The following OPRD1 variants were observed in gnomAD, a reference collection of about 807,000 sequenced individuals.
OPRD1 encodes delta-type opioid receptor.
A neutral mutation model predicts 17.5 loss-of-function variants in OPRD1; 19 were observed. That is an observed-to-expected ratio of 1.09 (90% CI 0.76 to 1.60). The LOEUF (loss-of-function observed/expected upper bound fraction) is 1.60, where lower values mean the gene tolerates loss of function less well. Among genes scored for constraint, OPRD1 ranks in the 40% most tolerant of loss-of-function variants. OPRD1 has a pLI of 0.00. For synonymous variants in OPRD1, 256 were observed against 240.9 expected (o/e 1.06, Z -0.58); for missense variants, 483 against 547.2 (o/e 0.88, Z 1.17).
intron 1 of OPRD1, among the ~76,000 whole-genome samples, chr1:28,832,783 C>A (rs1392409362): frequency 6.6e-6 from 1 of 152,136 alleles, no homozygotes; most frequent in African/African-American, 2.4e-5. Context: ...TATACTGAGA[C>A]CCACTTCCTG....
At chr1:28,827,502 A>G (rs1315189477) in intron 1 of OPRD1, among the ~76,000 whole-genome samples, 1 of 151,588 alleles carries the variant, frequency 6.6e-6, no homozygotes, top group East Asian at 1.9e-4. Context: ...GCTTCAAGAA[A>G]CCACTTTCTT....
chr1:28,842,393 A>G (rs2088903203), intron 1 of OPRD1, among the ~76,000 whole-genome samples: 2 of 152,178 alleles, frequency 1.3e-5, no homozygotes, highest in South Asian at 4.1e-4. Flanking sequence ...TGGGGAGAAC[A>G]TTCTTACCAG....
intron 1 of OPRD1, among the ~76,000 whole-genome samples, chr1:28,837,318 C>T (rs1051113833): frequency 7.2e-5 from 11 of 152,054 alleles, no homozygotes; most frequent in Non-Finnish European, 1.5e-4. Context: ...TTCACTCGCC[C>T]ACTGCTCACC....
At position 28,868,840 on chromosome 1, in the gene OPRD1, A is replaced by G. The variant is rs77414531; in HGVS notation, c.*5557A>G. On this transcript the variant is annotated 3_prime_UTR_variant, in exon 3 of 3. Coordinates refer to ENST00000234961, the MANE Select transcript of OPRD1 (RefSeq NM_000911.4). ...GGGCGACAGAGCGAGACTCTGTCTG[A>G]AAAAAAAAAAAAATTAAAAAGAAAT... is the stretch of plus-strand genomic sequence containing the variant. 3 of 110,614 alleles carry G rather than the reference A, an allele frequency of 2.7e-5. No homozygotes were observed. The highest frequency in any genetic ancestry group is 8.6e-5 in the African/African-American group (2 of 23,382). The allele number at this position is 110,614 out of a possible 1,614,324, so 6.9% of individuals were successfully genotyped here.
At chr1:28,843,212 C>G (rs2088909148) in intron 1 of OPRD1, among the ~76,000 whole-genome samples, 1 of 152,154 alleles carries the variant, frequency 6.6e-6, no homozygotes, top group Non-Finnish European at 1.5e-5. Context: ...CCCCTCACCC[C>G]ACTCCCAAGC....
Position 28,854,813 on chromosome 1 carries a change from C to T in OPRD1, c.228-4141C>T, listed in dbSNP as rs186080444. Among the ~76,000 whole-genome samples, 290 of 152,124 alleles carry T rather than the reference C, an allele frequency of 1.9e-3. 2 individuals carry two copies. The highest frequency in any genetic ancestry group is 6.0e-3 in the African/African-American group (249 of 41,502). ...GATTACAGGAGCATGCCACTACGCCCGGCTAATTTTTGTATTTTAGTAGAG... is the reference window on the plus strand; with the variant it reads ...GATTACAGGAGCATGCCACTACGCCTGGCTAATTTTTGTATTTTAGTAGAG... On this transcript the variant is annotated intron_variant, in intron 1 of 2. Transcript: ENST00000234961.
At chr1:28,815,044 A>G (rs1465268050) in intron 1 of OPRD1, among the ~76,000 whole-genome samples, 2 of 152,206 alleles carry the variant, frequency 1.3e-5, no homozygotes, top group East Asian at 1.9e-4. Context: ...CTTAAGTCCA[A>G]AACTTTTCTC....
intron 1 of OPRD1, among the ~76,000 whole-genome samples, chr1:28,856,651 A>G (rs1190300003): frequency 3.3e-5 from 5 of 152,144 alleles, no homozygotes; most frequent in Admixed American, 6.5e-5. Flanking sequence ...CAGTGTATGC[A>G]GTCTCCCCCA....
chr1:28,841,395 G>A (rs1308127370), intron 1 of OPRD1, among the ~76,000 whole-genome samples: 3 of 152,228 alleles, frequency 2.0e-5, no homozygotes, highest in Non-Finnish European at 4.4e-5. Flanking sequence ...GGGGGAAAGC[G>A]GACACAGACC....
chr1:28,824,817 G>A (rs185175360), intron 1 of OPRD1, among the ~76,000 whole-genome samples: 1 of 152,114 alleles, frequency 6.6e-6, no homozygotes, highest in East Asian at 1.9e-4. Context: ...GAAGAGTGTT[G>A]TTCTGAACCC....
Position 28,863,927 on chromosome 1 carries a change from G to A in OPRD1, c.*644G>A, listed in dbSNP as rs2089149619. 1 of 152,428 alleles carries A rather than the reference G, an allele frequency of 6.6e-6. No homozygotes were observed. Among genetic ancestry groups the A allele is most frequent in the South Asian group, 2.1e-4 (1 of 4,846 alleles). 9.4% of individuals were successfully genotyped at this position (152,428 alleles called of 1,614,324 possible). On this transcript the variant is annotated 3_prime_UTR_variant, in exon 3 of 3. Coordinates refer to ENST00000234961, the MANE Select transcript of OPRD1 (RefSeq NM_000911.4). Reference sequence around the variant, plus strand: ...AGCCCTGAGTTCTAGCAAGGGGCAAGGCTCGCTGAGGTCCAGGTCCGACTT... The same window carrying A: ...AGCCCTGAGTTCTAGCAAGGGGCAAAGCTCGCTGAGGTCCAGGTCCGACTT...
chr1:28,858,366 G>A (rs1460196836), intron 1 of OPRD1, among the ~76,000 whole-genome samples: 4 of 151,408 alleles, frequency 2.6e-5, no homozygotes, highest in African/African-American at 4.9e-5. Context: ...CGCCCGCCTC[G>A]GCCTCCCAAA....
chr1:28,829,106 G>A (rs1207329171), intron 1 of OPRD1, among the ~76,000 whole-genome samples: 1 of 152,044 alleles, frequency 6.6e-6, no homozygotes, highest in Non-Finnish European at 1.5e-5. Flanking sequence ...CCAATAGAAG[G>A]CTGTTTTGTC....
At chr1:28,836,026 CA>C (rs1446067582) in intron 1 of OPRD1, among the ~76,000 whole-genome samples, 5 of 152,204 alleles carry the variant, frequency 3.3e-5, no homozygotes, top group African/African-American at 1.2e-4. Context: ...ACGCTCTACC[CA>C]GACATCTCTC....
chr1:28,825,483 T>G (rs1332788044), intron 1 of OPRD1, among the ~76,000 whole-genome samples: 2 of 152,216 alleles, frequency 1.3e-5, no homozygotes, highest in South Asian at 2.1e-4. Flanking sequence ...CCTCCCGGGT[T>G]CAAGCGATTC....
At chr1:28,836,332 G>A (rs1490108539) in intron 1 of OPRD1, among the ~76,000 whole-genome samples, 1 of 152,022 alleles carries the variant, frequency 6.6e-6, no homozygotes, top group Non-Finnish European at 1.5e-5. Flanking sequence ...TGGCCAATAT[G>A]GTGATACCCC....
chr1:28,831,409 T>C (rs1253205454), intron 1 of OPRD1, among the ~76,000 whole-genome samples: 1 of 151,814 alleles, frequency 6.6e-6, no homozygotes, highest in African/African-American at 2.4e-5. Flanking sequence ...CTCAGAAGGC[T>C]GAGGCAGGAG....
Position 28,869,393 on chromosome 1 carries a change from G to A in OPRD1, c.*6110G>A, listed in dbSNP as rs551339106. On this transcript the variant is annotated 3_prime_UTR_variant, in exon 3 of 3. Coordinates refer to ENST00000234961, the MANE Select transcript of OPRD1 (RefSeq NM_000911.4). The stretch of plus-strand genomic sequence containing the variant: ...AGGGCATGGCACTGCGAGGTTGCCC[G>A]GGTTCTAGTCCCAGCACCATCACCG... The A allele has an allele frequency of 1.2e-4, 19 of 152,264 alleles. No individual in the cohort carries two copies. The highest frequency in any genetic ancestry group is 4.3e-4 in the African/African-American group (18 of 41,514). 9.4% of individuals were successfully genotyped at this position (152,264 alleles called of 1,614,324 possible).
At chr1:28,835,502 C>A (rs1412159245) in intron 1 of OPRD1, among the ~76,000 whole-genome samples, 3 of 152,218 alleles carry the variant, frequency 2.0e-5, no homozygotes, top group South Asian at 2.1e-4. Context: ...TAATTTCTGG[C>A]CACTTGCCAC....
Sources: gnomAD v4.1 joint callset for allele counts (sites outside exome capture counted in the v4.1 genomes callset) on GRCh38, gnomAD v4.1.1 for gene constraint, MANE v1.5 for transcripts, NCBI Gene and HGNC (gene_info 2026-07-23, HGNC 2026-07-21) for gene names.